SCD5: variants seen among roughly 807,000 people sequenced by gnomAD.
SCD5 encodes the protein acyl-CoA-desaturase 4.
SCD5 carries 20 observed loss-of-function variants against 30.4 expected under a neutral mutation model. That is an observed-to-expected ratio of 0.66 (90% CI 0.46 to 0.96). The LOEUF is 0.96. SCD5 is among the 40% of genes least tolerant of loss of function. The probability of loss-of-function intolerance (pLI) is 0.00; values close to 1 mark genes in which losing one functional copy is unlikely to be tolerated. For synonymous variants in SCD5, 173 were observed against 176.4 expected (o/e 0.98, Z 0.16); for missense variants, 381 against 443.3 (o/e 0.86, Z 1.26).
chr4:82,741,853 C>CGGG (rs34875819), intron 1 of SCD5, among the ~76,000 whole-genome samples: 2 of 45,428 alleles, frequency 4.4e-5, no homozygotes, highest in African/African-American at 1.5e-4. Flanking sequence ...TCAGAGTGGG[C>CGGG]GGGGGGGGGG....
intron 1 of SCD5, among the ~76,000 whole-genome samples, chr4:82,736,885 C>T (rs1019025648): frequency 3.3e-5 from 5 of 152,084 alleles, no homozygotes; most frequent in Non-Finnish European, 7.4e-5. Flanking sequence ...AGGCTAGTCT[C>T]GAACTCTTGG....
intron 2 of SCD5, among the ~76,000 whole-genome samples, chr4:82,685,840 G>A (rs962345936): frequency 6.6e-6 from 1 of 151,864 alleles, no homozygotes; most frequent in African/African-American, 2.4e-5. Flanking sequence ...TGTATAATCA[G>A]TATAAAAATT....
intron 3 of SCD5, among the ~76,000 whole-genome samples, chr4:82,658,467 C>CT (rs33912415): frequency 0.07 from 7,428 of 105,454 alleles, 825 homozygotes; most frequent in African/African-American, 0.17. Context: ...GGTGGATAAG[C>CT]TTTTTTTTTT....
chr4:82,716,405 T>C (rs1176886505), intron 1 of SCD5, among the ~76,000 whole-genome samples: 1 of 151,790 alleles, frequency 6.6e-6, no homozygotes, highest in East Asian at 1.9e-4. Context: ...TACATCAAAG[T>C]GTTGTTGGGG....
chr4:82,689,978 T>C (rs912308478), intron 2 of SCD5, among the ~76,000 whole-genome samples: 1 of 152,186 alleles, frequency 6.6e-6, no homozygotes, highest in Non-Finnish European at 1.5e-5. Context: ...AATTGGCCAG[T>C]ACATTTCAAA....
At chr4:82,791,515 G>A (rs1431787318) in intron 1 of SCD5, among the ~76,000 whole-genome samples, 3 of 152,196 alleles carry the variant, frequency 2.0e-5, no homozygotes, top group Admixed American at 2.0e-4. Context: ...CTCTCCAAAG[G>A]AGGAGCTGAA....
chr4:82,736,562 C>T (rs112801175), intron 1 of SCD5, among the ~76,000 whole-genome samples: 14,784 of 151,888 alleles, frequency 0.097, 927 homozygotes, highest in Non-Finnish European at 0.15. Flanking sequence ...GAGCCCAGAT[C>T]GCGCCATTGC....
chr4:82,792,351 G>C (rs1026349013), intron 1 of SCD5, among the ~76,000 whole-genome samples: 2 of 152,190 alleles, frequency 1.3e-5, no homozygotes, highest in African/African-American at 4.8e-5. Context: ...TTCATGACCA[G>C]GCCCCTACCT....
At position 82,764,780 on chromosome 4, in the gene SCD5, G is replaced by A. The variant is rs148784630; in HGVS notation, c.232+33526C>T. Among the ~76,000 whole-genome samples, 429 of 146,560 alleles carry A rather than the reference G, an allele frequency of 2.9e-3. 5 individuals are homozygous for A. Among genetic ancestry groups the A allele is most frequent in the Middle Eastern group, 0.022 (6 of 276 alleles). ...TCATTCTTGTTGCCCATGCTACAGTGCAACGGTGCAATCTTAGCTCACTGC... is the reference window on the plus strand; with the variant it reads ...TCATTCTTGTTGCCCATGCTACAGTACAACGGTGCAATCTTAGCTCACTGC... On this transcript the variant is annotated intron_variant, in intron 1 of 4. Coordinates refer to ENST00000319540, the MANE Select transcript of SCD5 (RefSeq NM_001037582.3).
chr4:82,681,222 G>A (rs1728565895), intron 2 of SCD5, among the ~76,000 whole-genome samples: 1 of 152,088 alleles, frequency 6.6e-6, no homozygotes, highest in Admixed American at 6.5e-5. Flanking sequence ...GGGGGCGACT[G>A]AAGTCTCCTA....
In SCD5 at chr4:82,760,380, T is replaced by G. The variant is rs139718160; in HGVS notation, c.232+37926A>C. Among the ~76,000 whole-genome samples the G allele has an allele frequency of 7.4e-4, 112 of 152,274 alleles. 1 individual carries two copies. The highest frequency in any genetic ancestry group is 1.4e-3 in the Non-Finnish European group (92 of 67,998). On this transcript the variant is annotated intron_variant, in intron 1 of 4. Transcript: ENST00000319540. ...ACTCCTGTCATTGCACTTCTTCTCC[T>G]GCCACTCTCCTTCTCACCCGTTTTA...
chr4:82,687,494 T>C (rs1376962426), intron 2 of SCD5, among the ~76,000 whole-genome samples: 2 of 152,254 alleles, frequency 1.3e-5, no homozygotes, highest in Non-Finnish European at 2.9e-5. Flanking sequence ...GATGAAGCAG[T>C]TAAGATTCAT....
intron 1 of SCD5, among the ~76,000 whole-genome samples, chr4:82,795,996 C>A (rs907192089): frequency 1.4e-4 from 21 of 149,364 alleles, no homozygotes; most frequent in African/African-American, 4.7e-4. Context: ...ACGGGCCGGG[C>A]GCAGTGGCTC....
chr4:82,768,274 T>C (rs7697390), intron 1 of SCD5, among the ~76,000 whole-genome samples: 41,397 of 152,046 alleles, frequency 0.27, 6,881 homozygotes, highest in African/African-American at 0.47. Flanking sequence ...GAAATAGAAA[T>C]CCAAGTCTGT....
chr4:82,669,964 G>A (rs1728272878), intron 3 of SCD5, among the ~76,000 whole-genome samples: 1 of 152,048 alleles, frequency 6.6e-6, no homozygotes, highest in African/African-American at 2.4e-5. Context: ...CAGTCCAGAG[G>A]CATAAGTTCA....
chr4:82,671,153 T>C (rs1027214200), intron 3 of SCD5, among the ~76,000 whole-genome samples: 3 of 152,122 alleles, frequency 2.0e-5, no homozygotes, highest in African/African-American at 7.2e-5. Flanking sequence ...AGAGAGACAT[T>C]ACGTAACGAT....
At position 82,666,274 on chromosome 4, in the gene SCD5, A is replaced by G. The variant is rs113552170; in HGVS notation, c.569+14433T>C. 5.0e-3 allele frequency among the ~76,000 whole-genome samples: 757 copies of G among 152,356 alleles called. 3 individuals are homozygous for G. The highest frequency in any genetic ancestry group is 0.017 in the Middle Eastern group (5 of 292). ...TTTAGAACATGAATAACGATTGAATAAAAACCTTTTATAAGTACTGTTGAT... is the reference window on the plus strand; with the variant it reads ...TTTAGAACATGAATAACGATTGAATGAAAACCTTTTATAAGTACTGTTGAT... On this transcript the variant is annotated intron_variant, in intron 3 of 4. Coordinates refer to ENST00000319540, the MANE Select transcript of SCD5 (RefSeq NM_001037582.3).
chr4:82,794,873 G>A (rs1156488902), intron 1 of SCD5, among the ~76,000 whole-genome samples: 5 of 151,848 alleles, frequency 3.3e-5, no homozygotes, highest in Non-Finnish European at 7.4e-5. Flanking sequence ...GGATGGTCTC[G>A]ATCTCCTGAC....
chr4:82,725,750 C>T (rs1296257868), intron 1 of SCD5, among the ~76,000 whole-genome samples: 2 of 152,062 alleles, frequency 1.3e-5, no homozygotes, highest in Non-Finnish European at 2.9e-5. Context: ...GTCCCAGCTA[C>T]CCAGAAGGCT....
Sources: allele counts gnomAD v4.1 joint callset (sites outside exome capture counted in the v4.1 genomes callset), GRCh38; gene constraint gnomAD v4.1.1; transcripts MANE v1.5; gene names NCBI Gene and HGNC (gene_info 2026-07-23, HGNC 2026-07-21).